Variants in LRRC53 observed in about 807,000 individuals in gnomAD.
LRRC53 encodes leucine rich repeat containing 53, also known as leucine-rich repeat-containing protein 53.
In LRRC53, 25 loss-of-function variants were observed where a neutral mutation model predicts 13.6. The ratio of observed to expected loss-of-function variants is 1.83; its 90% CI spans 1.34 to 2.56. LRRC53 has a LOEUF of 2.56. Ranked by LOEUF, LRRC53 falls within the 30% of genes most tolerant of loss-of-function variation. LRRC53 has a pLI of 0.00. For synonymous variants in LRRC53, 204 were observed against 109.8 expected (o/e 1.86, Z -5.37); for missense variants, 527 against 275.8 (o/e 1.91, Z -6.45).
intron 1 of LRRC53, among the ~76,000 whole-genome samples, chr1:74,507,013 G>C (rs1477015951): frequency 1.3e-5 from 2 of 151,884 alleles, no homozygotes; most frequent in Non-Finnish European, 2.9e-5. Context: ...CAATTGACAA[G>C]GTTCATTAAA....
chr1:74,480,976 G>A lies in LRRC53; in HGVS notation c.89-8C>T. 1.4e-6 allele frequency: 1 copy of A among 699,326 alleles called. No individual in the cohort carries two copies. Among genetic ancestry groups the A allele is most frequent in the Non-Finnish European group, 2.7e-6 (1 of 376,692 alleles). The allele number at this position is 699,326 out of a possible 1,614,324, so 43.3% of individuals were successfully genotyped here. The stretch of plus-strand genomic sequence containing the variant: ...TCGTGGTCATAGGGGCTGCTGTGGG[G>A]AAAAAAGCACAGACTAGATGCAGGG... On this transcript the variant is annotated splice_polypyrimidine_tract_variant and splice_region_variant and intron_variant, in intron 2 of 4. Coordinates refer to ENST00000294635, the MANE Select transcript of LRRC53 (RefSeq NM_001382280.1).
chr1:74,496,576 T>G (rs34871290), intron 1 of LRRC53, among the ~76,000 whole-genome samples: 15,843 of 152,086 alleles, frequency 0.1, 2,166 homozygotes, highest in African/African-American at 0.32. Context: ...TGCTTGATTT[T>G]ATGGGGTTTT....
the LRRC53 span, among the ~76,000 whole-genome samples, chr1:74,519,369 A>G: frequency 7.9e-4 from 93 of 117,606 alleles, no homozygotes; most frequent in Non-Finnish European, 1.2e-3. Flanking sequence ...TTATAGCAGC[A>G]TGATTTATAC....
the LRRC53 span, among the ~76,000 whole-genome samples, chr1:74,518,915 G>A: frequency 1.3e-5 from 1 of 79,512 alleles, no homozygotes; most frequent in African/African-American, 8.1e-5. Context: ...AAGTTTTAGG[G>A]TACATGTGCA....
chr1:74,521,123 A>G, the LRRC53 span, among the ~76,000 whole-genome samples: 1 of 152,184 alleles, frequency 6.6e-6, no homozygotes, highest in Non-Finnish European at 1.5e-5. Context: ...TCCTCTCTCC[A>G]TCACCACAGA....
intron 1 of LRRC53, among the ~76,000 whole-genome samples, chr1:74,511,695 C>G (rs1395969543): frequency 6.6e-6 from 1 of 151,984 alleles, no homozygotes; most frequent in Admixed American, 6.6e-5. Flanking sequence ...GAGAAACACA[C>G]AGGAAGATAA....
rs45594733 is a variant in LRRC53, at chr1:74,491,980, T to A, written c.-26-8605A>T. 2.5e-3 allele frequency: 3,334 copies of A among 1,345,546 alleles called. 35 individuals are homozygous for A. The African/African-American group carries it at 0.028, about 11-fold the overall frequency. The allele number at this position is 1,345,546 out of a possible 1,614,324, so 83.4% of individuals were successfully genotyped here. ...AAGGAAAAGCCAGGAGCAAGCTGAG[T>A]GAATAGAAATTAAAATATGGGAAAC... is the stretch of plus-strand genomic sequence containing the variant. On this transcript the variant is annotated intron_variant, in intron 1 of 4. Coordinates refer to ENST00000294635, the MANE Select transcript of LRRC53 (RefSeq NM_001382280.1).
rs113768897 is a variant in LRRC53, at chr1:74,504,911, C to T, written c.-27+7615G>A. Among the ~76,000 whole-genome samples the T allele has an allele frequency of 3.3e-3, 498 of 152,276 alleles. 5 individuals carry two copies. Among genetic ancestry groups the T allele is most frequent in the African/African-American group, 0.011 (477 of 41,560 alleles). Reference sequence around the variant, plus strand: ...GTTTTGTAATACTAATTAACTAATTCCCAGCCACATGAAGAGAACCTGCGA... The same window carrying T: ...GTTTTGTAATACTAATTAACTAATTTCCAGCCACATGAAGAGAACCTGCGA... On this transcript the variant is annotated intron_variant, in intron 1 of 4. Coordinates refer to ENST00000294635, the MANE Select transcript of LRRC53 (RefSeq NM_001382280.1).
the LRRC53 span, among the ~76,000 whole-genome samples, chr1:74,518,783 T>G: frequency 6.6e-6 from 1 of 152,052 alleles, no homozygotes; most frequent in Non-Finnish European, 1.5e-5. Context: ...AAAACAACAT[T>G]TACAAATATG....
intron 1 of LRRC53, among the ~76,000 whole-genome samples, chr1:74,504,784 A>C (rs1304578420): frequency 3.3e-5 from 5 of 152,032 alleles, no homozygotes; most frequent in African/African-American, 1.2e-4. Flanking sequence ...TGATGCTGTA[A>C]TTTCGTGTTC....
chr1:74,473,264 G>T (rs1230650496), intron 4 of LRRC53, among the ~76,000 whole-genome samples: 4 of 151,810 alleles, frequency 2.6e-5, no homozygotes, highest in Non-Finnish European at 1.5e-5. Context: ...GAGCTTTAAA[G>T]AAGTTGAATG....
the LRRC53 span, among the ~76,000 whole-genome samples, chr1:74,533,175 G>A: frequency 6.6e-6 from 1 of 152,070 alleles, no homozygotes; most frequent in Non-Finnish European, 1.5e-5. Context: ...ATCTGACAAA[G>A]GGCTAATATC....
chr1:74,518,578 C>T, the LRRC53 span, among the ~76,000 whole-genome samples: 3 of 152,124 alleles, frequency 2.0e-5, no homozygotes, highest in South Asian at 2.1e-4. Flanking sequence ...CTAATCGTGA[C>T]GAAGCTTATG....
At chr1:74,521,614 G>T in the LRRC53 span, among the ~76,000 whole-genome samples, 1 of 152,060 alleles carries the variant, frequency 6.6e-6, no homozygotes. Flanking sequence ...TTTAGCAAAT[G>T]ATTGGTAAAG....
intron 3 of LRRC53, among the ~76,000 whole-genome samples, chr1:74,476,670 A>G (rs948425652): frequency 3.3e-5 from 5 of 152,146 alleles, no homozygotes; most frequent in Non-Finnish European, 7.4e-5. Flanking sequence ...TGTGATTAGG[A>G]AGATATGGTG....
the LRRC53 span, among the ~76,000 whole-genome samples, chr1:74,520,937 G>A: frequency 6.6e-6 from 1 of 152,130 alleles, no homozygotes; most frequent in East Asian, 1.9e-4. Flanking sequence ...TGACATGGGA[G>A]CAGAGGTGAA....
At chr1:74,475,116 C>CCACACACA (rs3058791) in intron 4 of LRRC53, among the ~76,000 whole-genome samples, 179 bp downstream of exon 4, 3,184 of 135,928 alleles carry the variant, frequency 0.023, 66 homozygotes, top group East Asian at 0.05. Flanking sequence ...CCACCTCAGC[C>CCACACACA]CACACACACA....
At chr1:74,488,139 A>T (rs1668861012) in intron 1 of LRRC53, among the ~76,000 whole-genome samples, 1 of 152,138 alleles carries the variant, frequency 6.6e-6, no homozygotes, top group African/African-American at 2.4e-5. Flanking sequence ...TCCCCAAAGA[A>T]TGAGGGGGTG....
At chr1:74,516,418 C>T (rs977600133), upstream of LRRC53, among the ~76,000 whole-genome samples, 1 of 152,128 alleles carries the variant, frequency 6.6e-6, no homozygotes, top group Non-Finnish European at 1.5e-5. Flanking sequence ...AAGGCAATAT[C>T]AAATCCGTAC....
Sources: gnomAD v4.1 joint callset for allele counts (sites outside exome capture counted in the v4.1 genomes callset) on GRCh38, gnomAD v4.1.1 for gene constraint, MANE v1.5 for transcripts, NCBI Gene and HGNC (gene_info 2026-07-23, HGNC 2026-07-21) for gene names.